Variants in PLCH2 observed in about 807,000 individuals in gnomAD.
PLCH2 encodes the protein 1-phosphatidylinositol 4,5-bisphosphate phosphodiesterase eta-2.
A neutral mutation model predicts 134.7 loss-of-function variants in PLCH2; 98 were observed. The observed-to-expected ratio is 0.73, with a 90% CI of 0.62 to 0.86. The LOEUF (loss-of-function observed/expected upper bound fraction) is 0.86, where lower values mean the gene tolerates loss of function less well. Ranked by LOEUF, PLCH2 falls within the 40% of genes least tolerant of loss-of-function variation. The pLI is 0.00. For missense variants in PLCH2, 1,994 were observed against 1,986.6 expected (o/e 1.00, Z -0.07); for synonymous variants, 974 against 827.5 (o/e 1.18, Z -3.04).
At chr1:2,461,594 C>T (rs1340756463) in intron 2 of PLCH2, among the ~76,000 whole-genome samples, 1 of 152,176 alleles carries the variant, frequency 6.6e-6, no homozygotes, top group Non-Finnish European at 1.5e-5. Flanking sequence ...GGCCTCGGCT[C>T]CCCTCCAGCC....
upstream of PLCH2, among the ~76,000 whole-genome samples, chr1:2,421,971 C>T (rs947853319): frequency 2.9e-5 from 4 of 139,590 alleles, no homozygotes; most frequent in African/African-American, 1.1e-4. Context: ...AAGACTTTAT[C>T]TCAAAAAAAG....
upstream of PLCH2, chr1:2,467,408 G>C (rs948158023): frequency 7.8e-6 from 3 of 386,810 alleles, no homozygotes; most frequent in Non-Finnish European, 1.4e-5. Flanking sequence ...CGGGAGGGGC[G>C]GTCCCAGCGG....
the PLCH2 span, among the ~76,000 whole-genome samples, chr1:2,420,571 C>T: frequency 6.6e-6 from 1 of 152,172 alleles, no homozygotes; most frequent in African/African-American, 2.4e-5. Flanking sequence ...CCAGGTCCAG[C>T]TTCTCAGGAC....
Position 2,448,706 on chromosome 1 carries a change from C to T in PLCH2, c.115+18077C>T, listed in dbSNP as rs1012511351. On this transcript the variant is annotated intron_variant, in intron 2 of 3. Transcript: ENST00000609981. This position sits in a 1 kb window ranked among gnomAD's most constrained non-coding sequence, Gnocchi z 4.0. ...TGCTGAGGTCCCACAGGCCCCCTGG[C>T]GCAGCCTCCTGGCTCCCCACCATCC... 1.3e-5 allele frequency among the ~76,000 whole-genome samples: 2 copies of T among 152,042 alleles called. No individual in the cohort carries two copies. Among genetic ancestry groups the T allele is most frequent in the African/African-American group, 2.4e-5 (1 of 41,470 alleles).
intron 18 of PLCH2, 74 bp from the exon 19 acceptor site, chr1:2,499,010 C>T (rs888282967): frequency 9.8e-6 from 15 of 1,525,376 alleles, no homozygotes; most frequent in South Asian, 4.8e-5. Context: ...TGGTGTGGGC[C>T]GGGGGCTCCA....
intron 8 of PLCH2, among the ~76,000 whole-genome samples, chr1:2,488,845 T>C (rs928841120): frequency 6.6e-6 from 1 of 152,216 alleles, no homozygotes; most frequent in African/African-American, 2.4e-5. Flanking sequence ...TATCTATAGC[T>C]CCACACTGTA....
intron 10 of PLCH2, 71 bp from the exon 11 acceptor site, chr1:2,491,121 T>C: frequency 6.9e-7 from 1 of 1,459,408 alleles, no homozygotes; most frequent in African/African-American, 1.4e-5. Context: ...GCTGTGACCC[T>C]GGGGGTTGTC....
rs1430576466 is a variant in PLCH2 at position 2,459,474 on chromosome 1, T to C, written c.116-19002T>C. ...CCTCCTTCCTGGTGGTTCTCCTTCC[T>C]GGTGGTCCTCCTTCCTGGTGGTCCT... On this transcript the variant is annotated intron_variant, in intron 2 of 3. Transcript: ENST00000609981. Among the ~76,000 whole-genome samples the C allele has an allele frequency of 2.8e-3, 90 of 31,976 alleles. 10 individuals are homozygous for C. Among genetic ancestry groups the C allele is most frequent in the African/African-American group, 0.011 (71 of 6,590 alleles). The allele number at this position is 31,976 out of a possible 152,430, so 21.0% of individuals were successfully genotyped here.
At chr1:2,449,915 G>T (rs1397285215) in intron 2 of PLCH2, among the ~76,000 whole-genome samples, 1 of 152,254 alleles carries the variant, frequency 6.6e-6, no homozygotes, top group African/African-American at 2.4e-5. Flanking sequence ...GAACTGAGTT[G>T]CAGCTGTAGC....
At chr1:2,419,091 T>A in the PLCH2 span, among the ~76,000 whole-genome samples, 1 of 152,128 alleles carries the variant, frequency 6.6e-6, no homozygotes, top group Admixed American at 6.5e-5. Flanking sequence ...GGATGTGGCG[T>A]CTGAGGCTCC....
chr1:2,416,520 G>T, the PLCH2 span, among the ~76,000 whole-genome samples: 3 of 152,174 alleles, frequency 2.0e-5, no homozygotes, highest in Admixed American at 2.0e-4. Flanking sequence ...GGCAGACCCA[G>T]GACCTGGAGG....
chr1:2,500,209 G>A (rs1158647347), intron 20 of PLCH2: 2 of 170,404 alleles, frequency 1.2e-5, no homozygotes, highest in South Asian at 1.5e-4. Flanking sequence ...GTGGGGCCTC[G>A]GCTTCCGCAG....
chr1:2,429,383 A>G (rs1013050319), intron 1 of PLCH2, among the ~76,000 whole-genome samples: 45 of 152,102 alleles, frequency 3.0e-4, no homozygotes, highest in Non-Finnish European at 4.4e-5. Context: ...TCCCCTCCCC[A>G]GGGAGGGCAC....
the PLCH2 span, among the ~76,000 whole-genome samples, chr1:2,418,268 A>G: frequency 6.6e-6 from 1 of 152,360 alleles, no homozygotes; most frequent in Admixed American, 6.5e-5. Context: ...AGCTGCCGAC[A>G]GTGACAGCGT....
In PLCH2 at chr1:2,491,222, A is replaced by T. The variant is rs1642560642; in HGVS notation, c.1546A>T (p.Thr516Ser). 1.9e-6 allele frequency: 3 copies of T among 1,613,078 alleles called. No homozygotes were observed. The highest frequency in any genetic ancestry group is 2.5e-6 in the Non-Finnish European group (3 of 1,179,768). The change falls in exon 11 of 22, where the codon ACT becomes TCT. Residue 516 changes from threonine to serine, a missense_variant. Thr to Ser is a moderately conservative substitution (Grantham distance 58). Transcript: ENST00000378486. ...CACCAATCGAAAGCGTGTAGAAAACACTGCTAAGAGGAAACTGGATTCCCT... is the reference window on the plus strand; with the variant it reads ...CACCAATCGAAAGCGTGTAGAAAACTCTGCTAAGAGGAAACTGGATTCCCT... ...ASTNRKRVENTAKRKLDSLIK... is the reference protein window; with the variant it reads ...ASTNRKRVENSAKRKLDSLIK...
Position 2,448,444 on chromosome 1 carries a change from G to A in PLCH2, c.115+17815G>A, listed in dbSNP as rs1020307271. Among the ~76,000 whole-genome samples the A allele has an allele frequency of 1.3e-5, 2 of 152,156 alleles. No homozygotes were observed. Among genetic ancestry groups the A allele is most frequent in the African/African-American group, 4.8e-5 (2 of 41,428 alleles). On this transcript the variant is annotated intron_variant, in intron 2 of 3. Coordinates refer to the PLCH2 transcript ENST00000609981. The surrounding 1 kb of genome is among the most constrained non-coding windows in gnomAD (Gnocchi z 4.0). The stretch of plus-strand genomic sequence containing the variant: ...CGCCCTTCTCTCCGTCTTCTCTTGC[G>A]CCTCGAGTCTCCTTTGTCCTGTAGG...
At position 2,505,173 on chromosome 1, in the gene PLCH2, C is replaced by T. The variant is rs1034304974; in HGVS notation, c.4211C>T (p.Ala1404Val). 1 of 1,570,848 alleles carries T rather than the reference C, an allele frequency of 6.4e-7. No homozygotes were observed. Among genetic ancestry groups the T allele is most frequent in the Non-Finnish European group, 8.6e-7 (1 of 1,168,312 alleles). ...PAPSKGALGP[A>V]SAAAENLVLL... is the part of the protein sequence containing the mutation. ...CCCTCCAAGGGAGCCCTCGGGCCAG[C>T]ATCCGCGGCTGCTGAAAACCTGGTC... Residue 1404 changes from alanine to valine, a missense_variant, in exon 22 of 22, where the codon GCA becomes GTA. By Grantham distance (64) the Ala-to-Val change is moderately conservative. Coordinates refer to ENST00000378486, the MANE Select transcript of PLCH2 (RefSeq NM_014638.4).
intron 4 of PLCH2, among the ~76,000 whole-genome samples, chr1:2,482,863 C>T (rs1189440706): frequency 6.6e-6 from 1 of 152,192 alleles, no homozygotes; most frequent in South Asian, 2.1e-4. Context: ...CAGGCCGAGG[C>T]GGGGCCCTGG....
chr1:2,449,603 C>T (rs1640100317), intron 2 of PLCH2, among the ~76,000 whole-genome samples: 1 of 152,232 alleles, frequency 6.6e-6, no homozygotes, highest in African/African-American at 2.4e-5. Context: ...ACCAGGTCTG[C>T]AGCAGCCTCT....
Sources: allele counts gnomAD v4.1 joint callset (sites outside exome capture counted in the v4.1 genomes callset), GRCh38; gene constraint gnomAD v4.1.1; non-coding constraint Gnocchi (gnomAD v3.1); transcripts MANE v1.5; gene names NCBI Gene and HGNC (gene_info 2026-07-23, HGNC 2026-07-21).